The following RECQL5 variants were observed in gnomAD, a reference collection of about 807,000 sequenced individuals.
RECQL5 encodes ATP-dependent DNA helicase Q5.
In RECQL5, 88 loss-of-function variants were observed where a neutral mutation model predicts 103.4. That is an observed-to-expected ratio of 0.85 (90% CI 0.72 to 1.02). The LOEUF is 1.02. Among genes scored for constraint, RECQL5 ranks in the 50% least tolerant of loss-of-function variants. RECQL5 has a pLI of 0.00. For missense variants in RECQL5, 1,232 were observed against 1,284.3 expected, an observed-to-expected ratio of 0.96 and a Z score of 0.62; for synonymous variants, 552 against 507.9, an observed-to-expected ratio of 1.09 and a Z score of -1.17.
chr17:75,658,034 T>A (rs2059649578), intron 7 of RECQL5, among the ~76,000 whole-genome samples: 1 of 151,740 alleles, frequency 6.6e-6, no homozygotes, highest in Non-Finnish European at 1.5e-5. Context: ...AGCGACGGAG[T>A]GAGACTCTGT....
chr17:75,651,604 C>CA (rs1568277910), intron 7 of RECQL5, among the ~76,000 whole-genome samples: 1 of 150,938 alleles, frequency 6.6e-6, no homozygotes, highest in Non-Finnish European at 1.5e-5. Flanking sequence ...GTCTCAAAAA[C>CA]AAAAAAAAGT....
rs200668259 is a variant in RECQL5, at chr17:75,662,729, A to T, written c.521T>A (p.Leu174Ter). 4.1e-5 allele frequency: 66 copies of T among 1,613,958 alleles called. No individual in the cohort carries two copies. The highest frequency in any genetic ancestry group is 5.6e-5 in the Non-Finnish European group (66 of 1,180,048). ...GCGGGAGCGCAGGGCACCCAGACGC[A>T]AGTAGTCAGGACGAAAGTCATGCCC... ...QWGHDFRPDY[L>*]RLGALRSRLG... is the part of the protein sequence containing the mutation. The change falls in exon 4 of 20, where the codon TTG (leucine) becomes TAG (stop). Residue 174 changes from leucine to a stop codon, truncating the protein, a stop_gained. Transcript: ENST00000317905. LOFTEE classifies it high-confidence loss of function.
intron 8 of RECQL5, among the ~76,000 whole-genome samples, chr17:75,635,457 G>GA (rs2059303138): frequency 6.6e-6 from 1 of 152,234 alleles, no homozygotes; most frequent in Non-Finnish European, 1.5e-5. Context: ...TGTAGCTGCA[G>GA]AAAGAGCGCC....
intron 11 of RECQL5, 32 bp from the exon 12 acceptor site, chr17:75,630,869 T>C (rs2059199317): frequency 6.7e-7 from 1 of 1,499,922 alleles, no homozygotes; most frequent in African/African-American, 1.4e-5. Context: ...CTTGGTCCTT[T>C]CGCTCCACCT....
At chr17:75,630,448 T>G (rs1247486521) in intron 13 of RECQL5, 171 bp from the exon 14 acceptor site, 10 of 879,996 alleles carry the variant, frequency 1.1e-5, no homozygotes, top group Non-Finnish European at 1.8e-5. Flanking sequence ...TGGTAGCACC[T>G]AAGTTGTAGC....
intron 4 of RECQL5, among the ~76,000 whole-genome samples, chr17:75,662,126 A>G (rs1180123694): frequency 6.6e-6 from 1 of 151,950 alleles, no homozygotes; most frequent in Non-Finnish European, 1.5e-5. Context: ...GCGCCATTGC[A>G]CTCCAGCCTG....
At chr17:75,662,035 C>T (rs2059706461) in intron 4 of RECQL5, among the ~76,000 whole-genome samples, 1 of 152,190 alleles carries the variant, frequency 6.6e-6, no homozygotes. Flanking sequence ...GTGGCGCATG[C>T]CTGTAATCCC....
chr17:75,627,891 T>C (rs1383640043), intron 18 of RECQL5, among the ~76,000 whole-genome samples, 199 bp from the exon 19 acceptor site: 5 of 151,230 alleles, frequency 3.3e-5, no homozygotes, highest in Non-Finnish European at 5.9e-5. Flanking sequence ...TGGTGGCGGG[T>C]GCCTGTAGTC....
chr17:75,656,725 A>G (rs896187357), intron 7 of RECQL5, among the ~76,000 whole-genome samples: 1 of 144,952 alleles, frequency 6.9e-6, no homozygotes, highest in African/African-American at 2.5e-5. Context: ...GAATTTATGT[A>G]TATTTATCCT....
At chr17:75,628,817 C>G (rs781188301) in intron 16 of RECQL5, 55 bp from the exon 17 acceptor site, 3 of 1,603,872 alleles carry the variant, frequency 1.9e-6, no homozygotes, top group Non-Finnish European at 1.7e-6. Flanking sequence ...CTCCCTCATC[C>G]CAGGAGGCCT....
At chr17:75,639,554 C>T (rs932886686) in intron 8 of RECQL5, 1 of 152,428 alleles carries the variant, frequency 6.6e-6, no homozygotes, top group Non-Finnish European at 1.5e-5. Flanking sequence ...CTCCTGACCC[C>T]CTCCCAACAG....
At chr17:75,645,067 T>C (rs1192307534) in intron 8 of RECQL5, among the ~76,000 whole-genome samples, 1 of 152,204 alleles carries the variant, frequency 6.6e-6, no homozygotes, top group African/African-American at 2.4e-5. Context: ...GAGTGTGGGC[T>C]TGCCAACCAC....
At chr17:75,662,415 C>T in intron 4 of RECQL5, 64 bp downstream of exon 4, 1 of 1,529,792 alleles carries the variant, frequency 6.5e-7, no homozygotes, top group South Asian at 1.2e-5. Flanking sequence ...AGACTAATCT[C>T]CATCTCCATC....
chr17:75,647,583 T>C (rs1017201762), intron 8 of RECQL5: 2 of 1,549,166 alleles, frequency 1.3e-6, no homozygotes, highest in Non-Finnish European at 1.7e-6. Context: ...TGCTGGGGAC[T>C]GAGATGGCAG....
intron 8 of RECQL5, among the ~76,000 whole-genome samples, chr17:75,642,103 G>A (rs2059442245): frequency 6.6e-6 from 1 of 152,196 alleles, no homozygotes; most frequent in African/African-American, 2.4e-5. Flanking sequence ...TGGTCTTGCT[G>A]AGAAGCAGCA....
At chr17:75,658,652 C>G (rs1405773031) in intron 6 of RECQL5, among the ~76,000 whole-genome samples, 192 bp from the exon 7 acceptor site, 1 of 152,102 alleles carries the variant, frequency 6.6e-6, no homozygotes, top group African/African-American at 2.4e-5. Flanking sequence ...AGCTTAGAGG[C>G]CACAGCAGGA....
chr17:75,666,164 G>C (rs1397420287), intron 2 of RECQL5, among the ~76,000 whole-genome samples: 1 of 152,010 alleles, frequency 6.6e-6, no homozygotes, highest in Non-Finnish European at 1.5e-5. Flanking sequence ...GGTGGCTCAT[G>C]CTTGTAATCC....
In RECQL5 at chr17:75,628,184, A is replaced by C. The variant is rs73995938; in HGVS notation, c.2805+34T>G. ...CCCACTACACCCACATACCCCAGGC[A>C]TGGGAGAAGGCAGAGCCCACTCACT... On this transcript the variant is annotated intron_variant, in intron 18 of 19. Coordinates refer to ENST00000317905, the MANE Select transcript of RECQL5 (RefSeq NM_004259.7). The C allele has an allele frequency of 3.4e-3, 5,154 of 1,511,128 alleles. 154 individuals carry two copies. In the African/African-American group the frequency reaches 0.061, roughly 18 times the overall value. 93.6% of individuals were successfully genotyped at this position (1,511,128 alleles called of 1,614,324 possible).
Position 75,630,706 on chromosome 17 carries a change from G to A in RECQL5, c.1645-14C>T, listed in dbSNP as rs1219217048. 2.5e-6 allele frequency: 4 copies of A among 1,613,058 alleles called. No individual in the cohort carries two copies. The highest frequency in any genetic ancestry group is 2.5e-6 in the Non-Finnish European group (3 of 1,179,544). ...GTGCTCCCGTGCCTGGCACAGGACA[G>A]TGAGACTGGTCGCATGGCCTCGCGG... On this transcript the variant is annotated splice_polypyrimidine_tract_variant and intron_variant, in intron 12 of 19. Coordinates refer to ENST00000317905, the MANE Select transcript of RECQL5 (RefSeq NM_004259.7).
Sources: gnomAD v4.1 joint callset for allele counts (sites outside exome capture counted in the v4.1 genomes callset) on GRCh38, gnomAD v4.1.1 for gene constraint, MANE v1.5 for transcripts, NCBI Gene and HGNC (gene_info 2026-07-23, HGNC 2026-07-21) for gene names.